Variants in PPP6R2 observed in about 807,000 individuals in gnomAD.
The protein encoded by PPP6R2 is protein phosphatase 6 regulatory subunit 2.
A neutral mutation model predicts 100.2 loss-of-function variants in PPP6R2; 62 were observed. The ratio of observed to expected loss-of-function variants is 0.62; its 90% CI spans 0.50 to 0.76. The LOEUF is 0.76. Among genes scored for constraint, PPP6R2 ranks in the 30% least tolerant of loss-of-function variants. The pLI is 0.00. For synonymous variants in PPP6R2, 525 were observed against 514.7 expected (o/e 1.02, Z -0.27); for missense variants, 1,142 against 1,276.3 (o/e 0.89, Z 1.60).
rs757391482 is a variant in PPP6R2 at position 50,439,713 on chromosome 22, C to T, written c.2141C>T (p.Thr714Met). The change falls in exon 20 of 24, where the codon ACG becomes ATG. Residue 714 changes from threonine to methionine, a missense_variant. Thr to Met is a moderately conservative substitution (Grantham distance 81). Around this residue, in one of 2 missense-constraint regions of PPP6R2, gnomAD observed 550 missense variants for 517.4 expected, o/e 1.06. Transcript: ENST00000612753. ...VEGDSEGAMWTAVFDEPANST... is the reference protein window; with the variant it reads ...VEGDSEGAMWMAVFDEPANST... The stretch of plus-strand genomic sequence containing the variant: ...TCTCCCCCAGCAGGCGCCATGTGGA[C>T]GGCAGTGTTTGATGAGCCAGCGAAC... 2.9e-5 allele frequency: 47 copies of T among 1,600,192 alleles called. No homozygotes were observed. The highest frequency in any genetic ancestry group is 3.8e-5 in the Non-Finnish European group (45 of 1,172,890).
Position 50,436,182 on chromosome 22 carries a change from G to A in PPP6R2, c.1517-185G>A, listed in dbSNP as rs112817867. ...TCTCACTGTGGCCCCAGGCCCCTCCGGACACGCGGCTATGCTGCCTCTTTC... is the reference window on the plus strand; with the variant it reads ...TCTCACTGTGGCCCCAGGCCCCTCCAGACACGCGGCTATGCTGCCTCTTTC... On this transcript the variant is annotated intron_variant, in intron 13 of 23. Transcript: ENST00000612753. Among the ~76,000 whole-genome samples the A allele has an allele frequency of 2.6e-3, 391 of 152,304 alleles. 2 individuals carry two copies. Among genetic ancestry groups the A allele is most frequent in the African/African-American group, 8.9e-3 (369 of 41,566 alleles).
chr22:50,434,070 C>T (rs1489592299), intron 12 of PPP6R2, among the ~76,000 whole-genome samples: 2 of 36,758 alleles, frequency 5.4e-5, no homozygotes, highest in African/African-American at 1.2e-4. Context: ...GGGCATTTGC[C>T]CTGGAGGTGA....
intron 1 of PPP6R2, among the ~76,000 whole-genome samples, chr22:50,367,683 C>A (rs1476569080): frequency 3.3e-5 from 5 of 152,286 alleles, no homozygotes; most frequent in East Asian, 1.9e-4. Flanking sequence ...GGATAAATTA[C>A]AATAAATATA....
intron 14 of PPP6R2, 35 bp downstream of exon 14, chr22:50,436,487 C>G: frequency 6.4e-7 from 1 of 1,554,720 alleles, no homozygotes; most frequent in African/African-American, 1.4e-5. Flanking sequence ...TCGGTGCACG[C>G]ACGGTGCTGG....
In PPP6R2 at chr22:50,444,428, G is replaced by A. The variant is rs1193773400; in HGVS notation, c.*181G>A. 26 of 779,762 alleles carry A rather than the reference G, an allele frequency of 3.3e-5. No individual in the cohort carries two copies. The highest frequency in any genetic ancestry group is 5.0e-5 in the Non-Finnish European group (25 of 498,768). 48.3% of individuals were successfully genotyped at this position (779,762 alleles called of 1,614,324 possible). A position where few individuals can be genotyped will look rare whatever the true frequency, so the allele number is the denominator to read the frequency against. ...CAGCTTGCGTCTCTTCTGCCTGAGT[G>A]GGCCTCTCAGGTCACTCGTGCCCTG... On this transcript the variant is annotated 3_prime_UTR_variant, in exon 24 of 24. Coordinates refer to ENST00000612753, the MANE Select transcript of PPP6R2 (RefSeq NM_001242898.2).
chr22:50,393,412 A>G (rs931913736), intron 2 of PPP6R2: 2 of 985,106 alleles, frequency 2.0e-6, no homozygotes, highest in Admixed American at 6.2e-5. Context: ...GGAGATGTCC[A>G]GTGTTCACTC....
chr22:50,342,796 ACTGT>A (rs1290133315), upstream of PPP6R2, among the ~76,000 whole-genome samples: 1 of 152,210 alleles, frequency 6.6e-6, no homozygotes, highest in Admixed American at 6.5e-5. Flanking sequence ...CCTGGAGAAA[ACTGT>A]CTGGAGGCGG....
At chr22:50,437,688 C>T in intron 16 of PPP6R2, 85 bp downstream of exon 16, 1 of 1,418,200 alleles carries the variant, frequency 7.1e-7, no homozygotes, top group Non-Finnish European at 9.9e-7. Context: ...TGAGGTCTTG[C>T]CGGGAGTGCC....
chr22:50,385,549 C>T (rs1322907270), intron 2 of PPP6R2, among the ~76,000 whole-genome samples: 1 of 145,400 alleles, frequency 6.9e-6, no homozygotes, highest in Non-Finnish European at 1.5e-5. Context: ...AAGTCTTGCT[C>T]TCATCCCCTA....
rs186623389 is a variant in PPP6R2 at position 50,376,343 on chromosome 22, A to T, written c.-17+4193A>T. ...TCAAAAAAACCCCCAGAAAATGAAA[A>T]CAGGAAAACCAGTAGAAACACTTCC... On this transcript the variant is annotated intron_variant, in intron 2 of 23. Transcript: ENST00000612753. Among the ~76,000 whole-genome samples the T allele has an allele frequency of 2.8e-3, 432 of 152,218 alleles. 1 individual carries two copies. The highest frequency in any genetic ancestry group is 0.017 in the Middle Eastern group (5 of 294).
rs758787649 is a variant in PPP6R2, at chr22:50,434,971, C to T, written c.1406C>T (p.Ala469Val). The part of the protein sequence containing the change: ...AWEANDHTQA[A>V]GGMRRGNMGH... Reference sequence around the variant, plus strand: ...ATGGTGCCTGTTGCTTTCAGGGCAGCGGGTGGCATGAGACGTGGGAACATG... The same window carrying T: ...ATGGTGCCTGTTGCTTTCAGGGCAGTGGGTGGCATGAGACGTGGGAACATG... The change falls in exon 13 of 24, where the codon GCG becomes GTG. Residue 469 changes from alanine to valine, a missense_variant. Transcript: ENST00000612753. The T allele has an allele frequency of 2.9e-5, 47 of 1,602,522 alleles. No homozygotes were observed. Among genetic ancestry groups the T allele is most frequent in the Admixed American group, 5.0e-5 (3 of 59,422 alleles).
In PPP6R2 at chr22:50,394,013, G is replaced by A. The variant is rs2056198091; in HGVS notation, c.105G>A (p.Gln35=). The A allele has an allele frequency of 1.2e-6, 2 of 1,614,088 alleles. No homozygotes were observed. Among genetic ancestry groups the A allele is most frequent in the Non-Finnish European group, 1.7e-6 (2 of 1,180,044 alleles). The change falls in exon 3 of 24, where the codon CAG becomes CAA. Residue 35 remains glutamine, a synonymous_variant. Transcript: ENST00000612753. Reference sequence around the variant, plus strand: ...TAATGGATGAAGATGACATCTTGCAGGAGTGTAAGGCTCAGAACCAGAAGC... The same window carrying A: ...TAATGGATGAAGATGACATCTTGCAAGAGTGTAAGGCTCAGAACCAGAAGC... ...QELMDEDDIL[Q]ECKAQNQKLL...
intron 2 of PPP6R2, among the ~76,000 whole-genome samples, chr22:50,388,039 C>T (rs971167153): frequency 6.6e-6 from 1 of 152,048 alleles, no homozygotes; most frequent in Non-Finnish European, 1.5e-5. Flanking sequence ...GCCAGTGGCT[C>T]ATGCTGTAAT....
intron 2 of PPP6R2, among the ~76,000 whole-genome samples, chr22:50,383,941 C>T (rs753967118): frequency 1.3e-5 from 2 of 149,274 alleles, no homozygotes; most frequent in Non-Finnish European, 3.0e-5. Flanking sequence ...GAGGCTGAGA[C>T]GGGAGAATCG....
At chr22:50,387,924 G>A (rs896968224) in intron 2 of PPP6R2, among the ~76,000 whole-genome samples, 22 of 152,122 alleles carry the variant, frequency 1.4e-4, no homozygotes, top group African/African-American at 4.8e-4. Context: ...GCATTTTACG[G>A]GTGAGGAAAT....
intron 1 of PPP6R2, among the ~76,000 whole-genome samples, chr22:50,361,339 G>C (rs944428928): frequency 6.6e-6 from 1 of 152,168 alleles, no homozygotes; most frequent in South Asian, 2.1e-4. Flanking sequence ...AGCCCATGAC[G>C]TTGCGCTAGT....
chr22:50,440,076 C>T, intron 21 of PPP6R2, 27 bp downstream of exon 21: 1 of 1,583,702 alleles, frequency 6.3e-7, no homozygotes, highest in Non-Finnish European at 8.6e-7. Flanking sequence ...CAGGCGGCAC[C>T]CAGCCTTGCC....
intron 1 of PPP6R2, among the ~76,000 whole-genome samples, chr22:50,353,192 T>C (rs1380404991): frequency 6.6e-6 from 1 of 152,268 alleles, no homozygotes; most frequent in African/African-American, 2.4e-5. Flanking sequence ...CTTGGCAAAC[T>C]GGTGCAGGAG....
intron 1 of PPP6R2, among the ~76,000 whole-genome samples, chr22:50,347,039 G>T (rs2043936602): frequency 6.6e-6 from 1 of 151,852 alleles, no homozygotes; most frequent in Non-Finnish European, 1.5e-5. Flanking sequence ...CAGTGCCTCT[G>T]TCAGTGAGCC....
Sources: gnomAD v4.1 joint callset for allele counts (sites outside exome capture counted in the v4.1 genomes callset) on GRCh38, gnomAD v4.1.1 for gene constraint, gnomAD v4.1.1 regional missense constraint, MANE v1.5 for transcripts, NCBI Gene and HGNC (gene_info 2026-07-23, HGNC 2026-07-21) for gene names.